SUGCT: variants seen among roughly 807,000 people sequenced by gnomAD.
The protein encoded by SUGCT is succinyl-CoA:glutarate CoA-transferase.
In SUGCT, 41 loss-of-function variants were observed where a neutral mutation model predicts 55.0. That is an observed-to-expected ratio of 0.74 (90% CI 0.58 to 0.97). The LOEUF is 0.97. SUGCT is among the 50% of genes least tolerant of loss of function. The probability of loss-of-function intolerance (pLI) is 0.00; values close to 1 mark genes in which losing one functional copy is unlikely to be tolerated. For missense variants in SUGCT, 568 were observed against 547.8 expected (o/e 1.04, Z -0.37); for synonymous variants, 187 against 200.4 (o/e 0.93, Z 0.56).
At chr7:40,728,945 T>TATG (rs2128693444) in intron 12 of SUGCT, among the ~76,000 whole-genome samples, 1 of 152,334 alleles carries the variant, frequency 6.6e-6, no homozygotes, top group Non-Finnish European at 1.5e-5. Context: ...CATATAATCA[T>TATG]CTCAATATCC....
chr7:40,255,326 A>G (rs1408285488), intron 7 of SUGCT, among the ~76,000 whole-genome samples: 1 of 151,848 alleles, frequency 6.6e-6, no homozygotes, highest in Non-Finnish European at 1.5e-5. Context: ...GGATTAGGCA[A>G]GAGACGGTTT....
chr7:40,493,908 G>A (rs1791831766), intron 11 of SUGCT, among the ~76,000 whole-genome samples: 1 of 152,098 alleles, frequency 6.6e-6, no homozygotes, highest in Non-Finnish European at 1.5e-5. Flanking sequence ...GGAATGCAAC[G>A]ATGTTCTGTC....
At chr7:40,617,475 ATGTG>A (rs34487309) in intron 12 of SUGCT, among the ~76,000 whole-genome samples, 4,949 of 143,558 alleles carry the variant, frequency 0.034, 232 homozygotes, top group African/African-American at 0.11. Context: ...TTAGATTTAT[ATGTG>A]TGTGTGTGTG....
chr7:40,925,865 G>T, the SUGCT span, among the ~76,000 whole-genome samples: 1 of 152,142 alleles, frequency 6.6e-6, no homozygotes, highest in Non-Finnish European at 1.5e-5. Flanking sequence ...AGGCTGAGAT[G>T]GGGGGACTGC....
intron 7 of SUGCT, among the ~76,000 whole-genome samples, chr7:40,263,662 G>A (rs1395803229): frequency 6.6e-6 from 1 of 152,164 alleles, no homozygotes; most frequent in Non-Finnish European, 1.5e-5. Context: ...TACTTTTCAT[G>A]TTTGGAAGGG....
At chr7:40,602,108 A>G (rs964041340) in intron 12 of SUGCT, among the ~76,000 whole-genome samples, 1 of 152,122 alleles carries the variant, frequency 6.6e-6, no homozygotes, top group Non-Finnish European at 1.5e-5. Flanking sequence ...AGTGAAATAG[A>G]TTTGTTTCCT....
chr7:40,233,313 G>A (rs900710136), intron 6 of SUGCT, among the ~76,000 whole-genome samples: 6 of 151,990 alleles, frequency 3.9e-5, no homozygotes, highest in Admixed American at 6.6e-5. Context: ...TCTGCCTCCC[G>A]GGTTCAAGCA....
intron 1 of SUGCT, among the ~76,000 whole-genome samples, chr7:40,176,903 G>A (rs972579226): frequency 2.1e-5 from 3 of 141,648 alleles, no homozygotes; most frequent in Non-Finnish European, 3.0e-5. Flanking sequence ...AACCTGGGAA[G>A]CGGAGATTGC....
chr7:40,916,719 G>A, the SUGCT span, among the ~76,000 whole-genome samples: 83,425 of 152,034 alleles, frequency 0.55, 24,252 homozygotes, highest in African/African-American at 0.75. Flanking sequence ...GTATGTATGT[G>A]TACAGAAAAG....
intron 7 of SUGCT, among the ~76,000 whole-genome samples, chr7:40,256,782 C>CA (rs1335480214): frequency 3.3e-5 from 5 of 152,104 alleles, no homozygotes; most frequent in African/African-American, 1.2e-4. Flanking sequence ...CTCACTCTGT[C>CA]ACCCAGGCTG....
At chr7:40,509,339 G>A (rs1421964235) in intron 12 of SUGCT, among the ~76,000 whole-genome samples, 2 of 152,096 alleles carry the variant, frequency 1.3e-5, no homozygotes, top group African/African-American at 2.4e-5. Context: ...CACTTCCGCA[G>A]CCACACTGTC....
the SUGCT span, among the ~76,000 whole-genome samples, chr7:40,991,926 C>A: frequency 6.6e-6 from 1 of 152,060 alleles, no homozygotes; most frequent in Non-Finnish European, 1.5e-5. Context: ...ATCTGAACTG[C>A]CAGAGAATGT....
At chr7:40,520,383 T>A (rs903474211) in intron 12 of SUGCT, among the ~76,000 whole-genome samples, 1 of 152,158 alleles carries the variant, frequency 6.6e-6, no homozygotes, top group Non-Finnish European at 1.5e-5. Flanking sequence ...CTTTTAGTAC[T>A]GTAATCTAGA....
At chr7:40,178,108 G>A (rs978193140) in intron 1 of SUGCT, among the ~76,000 whole-genome samples, 3 of 152,124 alleles carry the variant, frequency 2.0e-5, no homozygotes, top group African/African-American at 4.8e-5. Flanking sequence ...CATATACTGC[G>A]GTTGGTTGAC....
intron 9 of SUGCT, among the ~76,000 whole-genome samples, chr7:40,324,607 G>A (rs1446429932): frequency 6.6e-6 from 1 of 152,052 alleles, no homozygotes; most frequent in Non-Finnish European, 1.5e-5. Flanking sequence ...TGATTCCCAA[G>A]CAATGTCTTT....
chr7:40,350,828 C>T (rs970996119), intron 9 of SUGCT, among the ~76,000 whole-genome samples: 2 of 151,828 alleles, frequency 1.3e-5, no homozygotes, highest in Admixed American at 1.3e-4. Flanking sequence ...TGATGTTCCC[C>T]TCCCTGTGTC....
intron 9 of SUGCT, among the ~76,000 whole-genome samples, chr7:40,433,032 C>T (rs941010423): frequency 2.0e-5 from 3 of 151,986 alleles, no homozygotes; most frequent in African/African-American, 7.3e-5. Flanking sequence ...TGATAATTTA[C>T]AATGACCCAT....
chr7:40,235,628 A>G (rs1264274258), intron 6 of SUGCT, among the ~76,000 whole-genome samples: 1 of 152,174 alleles, frequency 6.6e-6, no homozygotes, highest in East Asian at 1.9e-4. Flanking sequence ...CATCCAGCCA[A>G]AAAATTATTT....
intron 13 of SUGCT, among the ~76,000 whole-genome samples, chr7:40,797,649 C>T (rs1231259496): frequency 6.6e-6 from 1 of 152,164 alleles, no homozygotes; most frequent in Non-Finnish European, 1.5e-5. Context: ...AACCTTTGGA[C>T]CAGCCACTGA....
Sources: gnomAD v4.1 joint callset for allele counts (sites outside exome capture counted in the v4.1 genomes callset) on GRCh38, gnomAD v4.1.1 for gene constraint, MANE v1.5 for transcripts, NCBI Gene and HGNC (gene_info 2026-07-23, HGNC 2026-07-21) for gene names.